The following CYREN variants were observed in gnomAD, a reference collection of about 807,000 sequenced individuals.
CYREN encodes the protein cell cycle regulator of NHEJ, also known as cell cycle regulator of non-homologous end joining.
In CYREN, 7 loss-of-function variants were observed where a neutral mutation model predicts 9.7. The ratio of observed to expected loss-of-function variants is 0.72; its 90% CI spans 0.41 to 1.36. The LOEUF is 1.36. CYREN is among the 40% of genes most tolerant of loss of function. CYREN has a pLI of 0.01. For missense variants in CYREN, 215 were observed against 198.1 expected, an observed-to-expected ratio of 1.09 and a Z score of -0.51; for synonymous variants, 76 against 77.9, an observed-to-expected ratio of 0.98 and a Z score of 0.13.
At chr7:135,110,395 C>G (rs1237801279) in intron 2 of CYREN, among the ~76,000 whole-genome samples, 1 of 152,208 alleles carries the variant, frequency 6.6e-6, no homozygotes, top group East Asian at 1.9e-4. Flanking sequence ...GTATCTAAAG[C>G]TCCTGGGGCT....
At chr7:135,096,785 A>AAGAAAG (rs1229205676) in intron 2 of CYREN, among the ~76,000 whole-genome samples, 4 of 150,798 alleles carry the variant, frequency 2.7e-5, no homozygotes, top group Non-Finnish European at 3.0e-5. Context: ...GAAAGAAAGA[A>AAGAAAG]AGAAAGAAAA....
downstream of CYREN, among the ~76,000 whole-genome samples, chr7:135,163,907 T>C (rs141612879): frequency 1.3e-3 from 205 of 152,266 alleles, 1 homozygote; most frequent in African/African-American, 4.7e-3. Flanking sequence ...CCGAAGCACA[T>C]AAGTTGAGCT....
In CYREN at chr7:135,168,889, C is replaced by T; in HGVS notation, c.34G>A (p.Val12Ile). Residue 12 changes from valine to isoleucine, a missense_variant, in exon 2 of 4, where the codon GTC becomes ATC. Physicochemically the swap from Val to Ile is conservative, Grantham distance 29 (BLOSUM62 3). Transcript: ENST00000393114. ...ETLQSETKTR[V>I]LPSWLTAQVA... is the part of the protein sequence containing the mutation. ...TGGGCTGTCAGCCATGAGGGAAGGA[C>T]CCTCGTTTTAGTCTCGGATTGTAAG... The T allele has an allele frequency of 6.2e-7, 1 of 1,612,886 alleles. No homozygotes were observed. Among genetic ancestry groups the T allele is most frequent in the Non-Finnish European group, 8.5e-7 (1 of 1,179,382 alleles).
downstream of CYREN, chr7:135,164,918 C>A: frequency 6.2e-7 from 1 of 1,614,144 alleles, no homozygotes; most frequent in South Asian, 1.1e-5. Context: ...GCGCCCAGGC[C>A]TTACTCATCC....
At chr7:135,125,906 G>A (rs1054974678) in intron 2 of CYREN, among the ~76,000 whole-genome samples, 1 of 152,026 alleles carries the variant, frequency 6.6e-6, no homozygotes, top group African/African-American at 2.4e-5. Flanking sequence ...AAAATAATGA[G>A]AGCTATTTAT....
At chr7:135,101,353 C>A in intron 2 of CYREN, 2 of 408,512 alleles carry the variant, frequency 4.9e-6, no homozygotes, top group Non-Finnish European at 4.9e-6. Context: ...TTAACATATC[C>A]TATGAAACTT....
chr7:135,096,576 G>GATAGATAGATAGATAT (rs1169645373), intron 2 of CYREN, among the ~76,000 whole-genome samples: 1 of 26,000 alleles, frequency 3.8e-5, no homozygotes, highest in Non-Finnish European at 1.2e-4. Flanking sequence ...TAGATAGATA[G>GATAGATAGATAGATAT]ATAGATACAT....
intron 2 of CYREN, among the ~76,000 whole-genome samples, chr7:135,122,270 C>T (rs149276375): frequency 1.1e-3 from 165 of 152,378 alleles, no homozygotes; most frequent in Admixed American, 3.1e-3. Flanking sequence ...CTGTGGCTGA[C>T]TGTGGCCAGA....
chr7:135,098,709 G>T (rs918009729), intron 2 of CYREN, among the ~76,000 whole-genome samples: 3 of 152,156 alleles, frequency 2.0e-5, no homozygotes, highest in African/African-American at 7.2e-5. Context: ...ATCAAAGAAA[G>T]ATATCTCAAA....
chr7:135,144,071 C>T (rs940291959), intron 2 of CYREN, among the ~76,000 whole-genome samples: 1 of 152,210 alleles, frequency 6.6e-6, no homozygotes, highest in African/African-American at 2.4e-5. Flanking sequence ...GCAGAAACAA[C>T]ATTTGAGGCT....
chr7:135,115,453 G>T, intron 2 of CYREN: 1 of 1,551,270 alleles, frequency 6.4e-7, no homozygotes, highest in Non-Finnish European at 8.7e-7. Flanking sequence ...GCATAAATTG[G>T]ACAGATGATG....
At chr7:135,121,242 T>C (rs934908346) in intron 2 of CYREN, among the ~76,000 whole-genome samples, 6 of 152,012 alleles carry the variant, frequency 3.9e-5, no homozygotes, top group Non-Finnish European at 5.9e-5. Context: ...CTGCAAAATA[T>C]GTGAAGCAAA....
Position 135,128,995 on chromosome 7 carries a change from G to A in CYREN, n.357-34413C>T. On this transcript the variant is annotated intron_variant and non_coding_transcript_variant, in intron 2 of 2. Transcript: ENST00000459937. Reference sequence around the variant, plus strand: ...TTCTTGGAGTGCAGGCATGTGTACTGCAAAGACTGTCTGAAGGACTACTTT... The same window carrying A: ...TTCTTGGAGTGCAGGCATGTGTACTACAAAGACTGTCTGAAGGACTACTTT... 4 of 1,598,024 alleles carry A rather than the reference G, an allele frequency of 2.5e-6. No homozygotes were observed. In the South Asian group the frequency reaches 4.4e-5, roughly 18 times the overall value.
At position 135,166,891 on chromosome 7, in the gene CYREN, G is replaced by A. The variant is rs199908962; in HGVS notation, c.214-20C>T. On this transcript the variant is annotated intron_variant, in intron 3 of 3. Coordinates refer to ENST00000393114, the MANE Select transcript of CYREN (RefSeq NM_024033.4). ...GCGGCTCTGTGGAGTACGGGAAAAC[G>A]CAGGCTCAACATACGTGTTTTATTT... is the stretch of plus-strand genomic sequence containing the variant. 7.9e-4 allele frequency: 1,264 copies of A among 1,607,760 alleles called. 2 individuals carry two copies. Among genetic ancestry groups the A allele is most frequent in the Non-Finnish European group, 1.0e-3 (1,184 of 1,175,384 alleles).
At chr7:135,125,077 AC>A (rs1426327134) in intron 2 of CYREN, among the ~76,000 whole-genome samples, 1 of 152,192 alleles carries the variant, frequency 6.6e-6, no homozygotes, top group African/African-American at 2.4e-5. Flanking sequence ...AGATAGAGAC[AC>A]AAAAAACTCC....
chr7:135,119,181 C>T (rs1279713055), intron 2 of CYREN, among the ~76,000 whole-genome samples: 1 of 151,678 alleles, frequency 6.6e-6, no homozygotes, highest in Non-Finnish European at 1.5e-5. Context: ...GCTGAGCAGA[C>T]CATTAATAGG....
intron 2 of CYREN, among the ~76,000 whole-genome samples, chr7:135,119,239 T>G (rs1826771742): frequency 6.6e-6 from 1 of 152,020 alleles, no homozygotes; most frequent in South Asian, 2.1e-4. Context: ...TTTAAATTTT[T>G]TTTTTTTTGA....
At chr7:135,144,938 TAAAAAAA>T (rs58443282) in intron 2 of CYREN, among the ~76,000 whole-genome samples, 1,108 of 45,638 alleles carry the variant, frequency 0.024, 14 homozygotes, top group African/African-American at 0.099. Context: ...CTCAAAAGAG[TAAAAAAA>T]AAAAAAAAAA....
chr7:135,140,923 A>G (rs565838297), intron 2 of CYREN, among the ~76,000 whole-genome samples: 1 of 152,176 alleles, frequency 6.6e-6, no homozygotes, highest in South Asian at 2.1e-4. Context: ...AACATGGTGG[A>G]TTAGCTTTTT....
Sources: gnomAD v4.1 joint callset for allele counts (sites outside exome capture counted in the v4.1 genomes callset) on GRCh38, gnomAD v4.1.1 for gene constraint, MANE v1.5 for transcripts, NCBI Gene and HGNC (gene_info 2026-07-23, HGNC 2026-07-21) for gene names.